CDH13: variants seen among roughly 807,000 people sequenced by gnomAD.
The protein encoded by CDH13 is cadherin 13.
A neutral mutation model predicts 63.8 loss-of-function variants in CDH13; 24 were observed. That is an observed-to-expected ratio of 0.38 (90% CI 0.27 to 0.53). The LOEUF is 0.53. CDH13 is among the 20% of genes least tolerant of loss of function. CDH13 has a pLI of 0.85. For missense variants in CDH13, 1,049 were observed against 903.1 expected, an observed-to-expected ratio of 1.16 and a Z score of -2.07; for synonymous variants, 503 against 355.3, an observed-to-expected ratio of 1.42 and a Z score of -4.67.
intron 11 of CDH13, among the ~76,000 whole-genome samples, chr16:83,776,335 A>G (rs1915112554): frequency 2.0e-5 from 3 of 152,346 alleles, no homozygotes; most frequent in Admixed American, 2.0e-4. Flanking sequence ...AAAGAGAAAA[A>G]TAATTTTTCA....
intron 1 of CDH13, among the ~76,000 whole-genome samples, chr16:82,831,896 G>T (rs2038557146): frequency 6.6e-6 from 1 of 152,178 alleles, no homozygotes; most frequent in Non-Finnish European, 1.5e-5. Flanking sequence ...CATGCTCACA[G>T]GTTCCCTCTG....
At chr16:83,102,171 C>G (rs2034510847) in intron 3 of CDH13, among the ~76,000 whole-genome samples, 1 of 152,128 alleles carries the variant, frequency 6.6e-6, no homozygotes, top group South Asian at 2.1e-4. Context: ...GGCAAGGATA[C>G]CTTCTGGTGT....
chr16:83,430,196 A>G (rs926181600), intron 6 of CDH13, among the ~76,000 whole-genome samples: 3 of 152,180 alleles, frequency 2.0e-5, no homozygotes, highest in African/African-American at 7.2e-5. Flanking sequence ...AGTACTCACA[A>G]CTGGCAAGAT....
intron 8 of CDH13, among the ~76,000 whole-genome samples, chr16:83,620,089 T>A (rs1418289009): frequency 6.6e-6 from 1 of 151,344 alleles, no homozygotes; most frequent in East Asian, 1.9e-4. Flanking sequence ...CATTGGCAGA[T>A]GTTAAAAGAG....
At chr16:83,113,534 C>G (rs1416355621) in intron 3 of CDH13, among the ~76,000 whole-genome samples, 1 of 152,256 alleles carries the variant, frequency 6.6e-6, no homozygotes, top group African/African-American at 2.4e-5. Flanking sequence ...AGAGTCTGCC[C>G]TTACGGAGCT....
chr16:82,982,679 A>G (rs945240186), intron 2 of CDH13, among the ~76,000 whole-genome samples: 2 of 152,160 alleles, frequency 1.3e-5, no homozygotes, highest in African/African-American at 4.8e-5. Context: ...TTAGTTTTGC[A>G]CCAACCTAGT....
At chr16:83,060,532 T>C (rs940169252) in intron 3 of CDH13, among the ~76,000 whole-genome samples, 1 of 152,136 alleles carries the variant, frequency 6.6e-6, no homozygotes, top group Non-Finnish European at 1.5e-5. Context: ...TATTGCCTAA[T>C]TCATAAAGAG....
intron 8 of CDH13, among the ~76,000 whole-genome samples, chr16:83,607,447 A>G (rs576187858): frequency 2.1e-4 from 32 of 152,262 alleles, no homozygotes; most frequent in African/African-American, 7.0e-4. Flanking sequence ...TGTAAGCTCA[A>G]TTCTTTAGTC....
chr16:82,879,060 A>T (rs1567624411), intron 2 of CDH13, among the ~76,000 whole-genome samples: 1 of 152,252 alleles, frequency 6.6e-6, no homozygotes, highest in Admixed American at 6.5e-5. Context: ...ACTTATGGTC[A>T]GCTCCCACCA....
At chr16:82,835,358 C>G (rs1177018765) in intron 1 of CDH13, among the ~76,000 whole-genome samples, 2 of 152,128 alleles carry the variant, frequency 1.3e-5, no homozygotes, top group African/African-American at 4.8e-5. Context: ...AAATCTTGGT[C>G]TCTTCTTCCT....
At chr16:83,793,189 A>G (rs1916386814) in intron 13 of CDH13, among the ~76,000 whole-genome samples, 1 of 152,152 alleles carries the variant, frequency 6.6e-6, no homozygotes, top group Non-Finnish European at 1.5e-5. Context: ...ACAGTAGTTT[A>G]CTCAATTTTA....
At chr16:82,731,542 A>G (rs953427767) in intron 1 of CDH13, among the ~76,000 whole-genome samples, 2 of 152,256 alleles carry the variant, frequency 1.3e-5, no homozygotes, top group Non-Finnish European at 2.9e-5. Context: ...AAGCTGCTCA[A>G]GACATTGACA....
At chr16:83,586,749 G>A (rs887473809) in intron 7 of CDH13, among the ~76,000 whole-genome samples, 1 of 152,166 alleles carries the variant, frequency 6.6e-6, no homozygotes, top group Non-Finnish European at 1.5e-5. Flanking sequence ...GAAGCTGACT[G>A]TACCAGGCAT....
chr16:83,178,959 C>T (rs2038238243), intron 4 of CDH13, among the ~76,000 whole-genome samples: 1 of 152,138 alleles, frequency 6.6e-6, no homozygotes, highest in African/African-American at 2.4e-5. Flanking sequence ...TTGTGCTTCT[C>T]ATTATGCAAA....
intron 3 of CDH13, among the ~76,000 whole-genome samples, chr16:83,080,094 C>T (rs2033129641): frequency 1.3e-5 from 2 of 152,088 alleles, no homozygotes; most frequent in Admixed American, 6.5e-5. Flanking sequence ...AATCTTGTGG[C>T]CTGGGTGAAG....
intron 10 of CDH13, among the ~76,000 whole-genome samples, chr16:83,722,913 C>G (rs1909887049): frequency 1.3e-5 from 2 of 152,222 alleles, no homozygotes; most frequent in South Asian, 2.1e-4. Context: ...CACTGAGGTC[C>G]CACTGAGGAA....
At chr16:82,740,789 A>T (rs75222228) in intron 1 of CDH13, among the ~76,000 whole-genome samples, 8 of 152,342 alleles carry the variant, frequency 5.3e-5, no homozygotes, top group Admixed American at 2.0e-4. Flanking sequence ...TGGGCAAAGC[A>T]AGTCCAATAT....
chr16:82,958,296 A>G (rs183134151), intron 2 of CDH13, among the ~76,000 whole-genome samples: 35 of 152,312 alleles, frequency 2.3e-4, no homozygotes, highest in African/African-American at 8.2e-4. Flanking sequence ...TGTGTCTGAT[A>G]TATCGTTCAT....
chr16:83,667,165 T>G (rs1420325157), intron 8 of CDH13, among the ~76,000 whole-genome samples: 5 of 152,096 alleles, frequency 3.3e-5, no homozygotes, highest in African/African-American at 7.2e-5. Context: ...AATGCCGTTG[T>G]GGACCCATCC....
Sources: allele counts gnomAD v4.1 joint callset (sites outside exome capture counted in the v4.1 genomes callset), GRCh38; gene constraint gnomAD v4.1.1; transcripts MANE v1.5; gene names NCBI Gene and HGNC (gene_info 2026-07-23, HGNC 2026-07-21).